OTOGL: variants seen among roughly 807,000 people sequenced by gnomAD.
The protein encoded by OTOGL is otogelin like, also known as otogelin-like protein.
Under a neutral mutation model 318.5 loss-of-function variants are expected in OTOGL, and 285 were observed. The ratio of observed to expected loss-of-function variants is 0.89; its 90% CI spans 0.81 to 0.99. The LOEUF (loss-of-function observed/expected upper bound fraction) is 0.99. Among genes scored for constraint, OTOGL ranks in the 50% least tolerant of loss-of-function variants. The pLI, the probability that OTOGL is intolerant of heterozygous loss-of-function variation, is 0.00. For synonymous variants in OTOGL, 987 were observed against 936.5 expected, an observed-to-expected ratio of 1.05 and a Z score of -0.99; for missense variants, 2,899 against 2,845.6, an observed-to-expected ratio of 1.02 and a Z score of -0.43.
intron 1 of OTOGL, chr12:80,102,836 A>T (rs1185435182): frequency 4.4e-6 from 3 of 686,398 alleles, no homozygotes; most frequent in African/African-American, 3.5e-5. Context: ...AGCTCTAGTC[A>T]TAAGGCTCTT....
intron 17 of OTOGL, 112 bp downstream of exon 17, chr12:80,256,572 A>G (rs953668116): frequency 7.2e-7 from 1 of 1,392,690 alleles, no homozygotes. Context: ...CTGACTACCT[A>G]GCATTTATAG....
At chr12:80,279,214 T>C in intron 26 of OTOGL, 48 bp downstream of exon 26, 2 of 1,516,704 alleles carry the variant, frequency 1.3e-6, no homozygotes, top group Non-Finnish European at 1.8e-6. Context: ...AAAGATTTAA[T>C]GTAAAAAACA....
At chr12:80,138,598 A>G (rs1871727939) in intron 1 of OTOGL, among the ~76,000 whole-genome samples, 1 of 152,168 alleles carries the variant, frequency 6.6e-6, no homozygotes, top group Admixed American at 6.5e-5. Context: ...CAAGATAAGA[A>G]CATCAATTAC....
chr12:80,129,939 G>C (rs1871135117), intron 1 of OTOGL, among the ~76,000 whole-genome samples: 1 of 152,018 alleles, frequency 6.6e-6, no homozygotes, highest in South Asian at 2.1e-4. Flanking sequence ...CAATTTCTCT[G>C]TTTTGGTCAT....
At chr12:80,363,572 G>C (rs576740042) in intron 52 of OTOGL, among the ~76,000 whole-genome samples, 1 of 152,082 alleles carries the variant, frequency 6.6e-6, no homozygotes, top group South Asian at 2.1e-4. Flanking sequence ...GAGAGAAATT[G>C]ATTTAAAAAC....
chr12:80,212,131 A>C, intron 4 of OTOGL, 134 bp downstream of exon 4: 1 of 858,468 alleles, frequency 1.2e-6, no homozygotes, highest in Non-Finnish European at 1.8e-6. Flanking sequence ...GAGGAGGAAG[A>C]AGCAAAGTAA....
intron 35 of OTOGL, 30 bp downstream of exon 35, chr12:80,323,870 A>C (rs748813954): frequency 1.1e-5 from 17 of 1,525,140 alleles, no homozygotes; most frequent in Admixed American, 1.8e-5. Context: ...AAGTGATCAA[A>C]GTCCAGCCTT....
chr12:80,339,190 C>G lies in OTOGL; in HGVS notation c.4976C>G (p.Ser1659Cys). 6.2e-7 allele frequency: 1 copy of G among 1,611,334 alleles called. No homozygotes were observed. The highest frequency in any genetic ancestry group is 1.1e-5 in the South Asian group (1 of 91,018). Reference protein sequence around the residue: ...TTPAGLIIKWSHLTGIIDIHF... With the variant: ...TTPAGLIIKWCHLTGIIDIHF... ...CCAGCTGGACTAATCATAAAGTGGT[C>G]TCATCTTACAGGAATCATAGACATT... Residue 1659 changes from serine to cysteine, a missense_variant, in exon 43 of 59, where the codon TCT (serine) becomes TGT (cysteine). Coordinates refer to ENST00000547103, the MANE Select transcript of OTOGL (RefSeq NM_001378609.3).
chr12:80,328,575 A>G (rs932192249), intron 35 of OTOGL, 90 bp from the exon 36 acceptor site: 193 of 962,300 alleles, frequency 2.0e-4, no homozygotes, highest in Non-Finnish European at 2.8e-4. Flanking sequence ...TAGGAAGAAT[A>G]TATCTTAGTC....
At chr12:80,178,746 A>G (rs1304253347) in intron 1 of OTOGL, among the ~76,000 whole-genome samples, 1 of 152,084 alleles carries the variant, frequency 6.6e-6, no homozygotes, top group Non-Finnish European at 1.5e-5. Flanking sequence ...CCAACTGGGG[A>G]GTTAAATCTG....
chr12:80,315,447 T>A (rs1295274534), intron 32 of OTOGL, among the ~76,000 whole-genome samples: 2 of 152,174 alleles, frequency 1.3e-5, no homozygotes, highest in Admixed American at 1.3e-4. Flanking sequence ...TTTAGTGAAA[T>A]TACTTGAAGA....
At chr12:80,355,045 C>G (rs1889781836) in intron 46 of OTOGL, among the ~76,000 whole-genome samples, 1 of 151,820 alleles carries the variant, frequency 6.6e-6, no homozygotes, top group African/African-American at 2.4e-5. Context: ...TTACTGTTTT[C>G]AAACTAATTT....
chr12:80,213,782 C>G (rs144369460), intron 4 of OTOGL, among the ~76,000 whole-genome samples: 3 of 152,106 alleles, frequency 2.0e-5, no homozygotes, highest in African/African-American at 7.2e-5. Flanking sequence ...ATTTTCTGAA[C>G]AATTTTTAAA....
intron 29 of OTOGL, among the ~76,000 whole-genome samples, chr12:80,308,057 C>G (rs1592687642): frequency 7.2e-6 from 1 of 139,628 alleles, no homozygotes; most frequent in East Asian, 2.2e-4. Context: ...CTGATCCCCC[C>G]ACCTCCCTCC....
Position 80,372,077 on chromosome 12 carries a change from A to T in OTOGL, c.6781+13A>T, listed in dbSNP as rs1267521745. On this transcript the variant is annotated intron_variant, in intron 57 of 58. Coordinates refer to ENST00000547103, the MANE Select transcript of OTOGL (RefSeq NM_001378609.3). The stretch of plus-strand genomic sequence containing the variant: ...TGTTGCAAGATCTGTAAGTGAGAGC[A>T]TATTCCATGCATTTACTTGATAGAT... 10 of 1,516,604 alleles carry T rather than the reference A, an allele frequency of 6.6e-6. No individual in the cohort carries two copies. The highest frequency in any genetic ancestry group is 8.9e-6 in the Non-Finnish European group (10 of 1,125,508). 93.9% of individuals were successfully genotyped at this position (1,516,604 alleles called of 1,614,324 possible).
At chr12:80,329,859 C>A (rs961546789) in intron 37 of OTOGL, among the ~76,000 whole-genome samples, 3 of 152,118 alleles carry the variant, frequency 2.0e-5, no homozygotes, top group African/African-American at 7.2e-5. Context: ...AAGTCACAGC[C>A]CCTACCCTAA....
intron 8 of OTOGL, among the ~76,000 whole-genome samples, chr12:80,231,771 A>AC (rs1159261954): frequency 6.6e-6 from 1 of 151,418 alleles, no homozygotes; most frequent in Non-Finnish European, 1.5e-5. Flanking sequence ...AGGAGCTGGG[A>AC]CTACAGGCAC....
At chr12:80,178,885 T>C (rs1049226559) in intron 1 of OTOGL, among the ~76,000 whole-genome samples, 1 of 152,208 alleles carries the variant, frequency 6.6e-6, no homozygotes, top group African/African-American at 2.4e-5. Context: ...GTGTGGAAAT[T>C]AAGGACTCTT....
intron 37 of OTOGL, 91 bp from the exon 38 acceptor site, chr12:80,332,914 C>G: frequency 9.7e-7 from 1 of 1,027,026 alleles, no homozygotes; most frequent in Non-Finnish European, 1.5e-6. Flanking sequence ...ATAATCTATA[C>G]AAAATTTCTT....
Sources: gnomAD v4.1 joint callset for allele counts (sites outside exome capture counted in the v4.1 genomes callset) on GRCh38, gnomAD v4.1.1 for gene constraint, MANE v1.5 for transcripts, NCBI Gene and HGNC (gene_info 2026-07-23, HGNC 2026-07-21) for gene names.